Variants in STXBP5L observed in about 807,000 individuals in gnomAD.
The protein encoded by STXBP5L is syntaxin-binding protein 5-like.
In STXBP5L, 65 loss-of-function variants were observed where a neutral mutation model predicts 144.5. The observed-to-expected ratio is 0.45, with a 90% CI of 0.37 to 0.55. The LOEUF (loss-of-function observed/expected upper bound fraction) is 0.55. Ranked by LOEUF, STXBP5L falls within the 20% of genes least tolerant of loss-of-function variation. The pLI, the probability that STXBP5L is intolerant of heterozygous loss-of-function variation, is 0.00. For synonymous variants in STXBP5L, 505 were observed against 469.6 expected, an observed-to-expected ratio of 1.08 and a Z score of -0.97; for missense variants, 1,298 against 1,405.5, an observed-to-expected ratio of 0.92 and a Z score of 1.22.
intron 9 of STXBP5L, among the ~76,000 whole-genome samples, chr3:121,173,323 T>TAATA (rs2046801655): frequency 6.8e-6 from 1 of 146,524 alleles, no homozygotes; most frequent in South Asian, 2.2e-4. Flanking sequence ...GAACTTAAAA[T>TAATA]ATAATAATAA....
At chr3:121,319,885 G>C (rs1418552830) in intron 20 of STXBP5L, among the ~76,000 whole-genome samples, 1 of 152,162 alleles carries the variant, frequency 6.6e-6, no homozygotes, top group Non-Finnish European at 1.5e-5. Flanking sequence ...GGGAGGCCAA[G>C]GGGGGAGGAT....
chr3:121,183,179 C>G (rs764581043), intron 9 of STXBP5L, among the ~76,000 whole-genome samples: 53 of 152,260 alleles, frequency 3.5e-4, no homozygotes, highest in African/African-American at 1.0e-3. Flanking sequence ...AACCCACAGT[C>G]AACGTCATAC....
chr3:121,086,737 A>T (rs890993637), intron 5 of STXBP5L, among the ~76,000 whole-genome samples: 2 of 152,114 alleles, frequency 1.3e-5, no homozygotes, highest in African/African-American at 4.8e-5. Context: ...TGTCATGTTA[A>T]TGCTTAAAAA....
chr3:121,333,611 A>G (rs1440246991), intron 20 of STXBP5L, among the ~76,000 whole-genome samples: 1 of 152,118 alleles, frequency 6.6e-6, no homozygotes, highest in Admixed American at 6.6e-5. Context: ...TTTGAAAAAA[A>G]AATAAGATAA....
intron 19 of STXBP5L, among the ~76,000 whole-genome samples, chr3:121,313,889 C>A (rs901632620): frequency 4.1e-5 from 6 of 144,760 alleles, no homozygotes; most frequent in Non-Finnish European, 4.6e-5. Flanking sequence ...ACGGAGCGGC[C>A]GGGCAGAGAC....
intron 9 of STXBP5L, among the ~76,000 whole-genome samples, chr3:121,184,399 C>A (rs1475293449): frequency 1.3e-5 from 2 of 151,448 alleles, no homozygotes; most frequent in Admixed American, 1.3e-4. Context: ...AAACACAGCA[C>A]AAGAACTTCA....
At chr3:121,239,227 C>A (rs146530562) in intron 13 of STXBP5L, 109 bp downstream of exon 13, 253 of 588,030 alleles carry the variant, frequency 4.3e-4, no homozygotes, top group Non-Finnish European at 6.5e-4. Flanking sequence ...TAACTAAATT[C>A]TTTTTAAGTT....
intron 5 of STXBP5L, among the ~76,000 whole-genome samples, chr3:121,077,761 A>G (rs1413774904): frequency 6.6e-6 from 1 of 152,162 alleles, no homozygotes; most frequent in Non-Finnish European, 1.5e-5. Context: ...CCACTAGATT[A>G]GCTAGATACA....
chr3:121,333,589 A>C (rs765181481), intron 20 of STXBP5L, among the ~76,000 whole-genome samples: 15 of 151,980 alleles, frequency 9.9e-5, no homozygotes, highest in Non-Finnish European at 1.6e-4. Context: ...CAATGAAATT[A>C]GGAGCTGGAT....
intron 3 of STXBP5L, among the ~76,000 whole-genome samples, chr3:120,977,057 A>G (rs1013163480): frequency 2.6e-5 from 4 of 152,208 alleles, no homozygotes; most frequent in Non-Finnish European, 5.9e-5. Flanking sequence ...GATGTCTATT[A>G]GGTCCACTTG....
At chr3:121,101,573 A>G (rs952992984) in intron 5 of STXBP5L, among the ~76,000 whole-genome samples, 2 of 152,124 alleles carry the variant, frequency 1.3e-5, no homozygotes, top group Non-Finnish European at 2.9e-5. Flanking sequence ...CAACGAAGGA[A>G]TATATACCAT....
At chr3:121,394,067 G>GT (rs2046662939) in intron 22 of STXBP5L, among the ~76,000 whole-genome samples, 1 of 152,032 alleles carries the variant, frequency 6.6e-6, no homozygotes, top group African/African-American at 2.4e-5. Flanking sequence ...AGTATGGGAT[G>GT]TTTTTTCATT....
intron 3 of STXBP5L, among the ~76,000 whole-genome samples, chr3:120,964,424 C>A (rs949810746): frequency 6.6e-6 from 1 of 152,040 alleles, no homozygotes; most frequent in Non-Finnish European, 1.5e-5. Context: ...GCTATACATA[C>A]CCTCTATACA....
At chr3:121,346,422 G>C (rs575926838) in intron 20 of STXBP5L, among the ~76,000 whole-genome samples, 28 of 152,172 alleles carry the variant, frequency 1.8e-4, no homozygotes, top group Non-Finnish European at 3.8e-4. Context: ...ACATGTGCAT[G>C]TGTCTTTATA....
intron 11 of STXBP5L, among the ~76,000 whole-genome samples, chr3:121,224,745 T>C (rs1318978855): frequency 1.3e-5 from 2 of 152,154 alleles, no homozygotes; most frequent in African/African-American, 4.8e-5. Context: ...AGAGAGAAAC[T>C]GTCTTACAAT....
At chr3:121,360,531 G>C (rs187707155) in intron 20 of STXBP5L, among the ~76,000 whole-genome samples, 1 of 151,648 alleles carries the variant, frequency 6.6e-6, no homozygotes, top group Non-Finnish European at 1.5e-5. Context: ...ATATGATTTC[G>C]TTTCCTGCTT....
chr3:120,909,263 T>C (rs1325339066), intron 1 of STXBP5L: 1 of 272,798 alleles, frequency 3.7e-6, no homozygotes, highest in Admixed American at 5.1e-5. Flanking sequence ...CACTGCCTTT[T>C]ATTTTTACCC....
At chr3:121,361,756 A>G (rs1389002896) in intron 20 of STXBP5L, among the ~76,000 whole-genome samples, 1 of 152,012 alleles carries the variant, frequency 6.6e-6, no homozygotes, top group Admixed American at 6.6e-5. Context: ...TCTCTATATG[A>G]AAGGTCACAT....
chr3:120,913,394 T>C (rs928795208), intron 2 of STXBP5L, among the ~76,000 whole-genome samples: 10 of 151,920 alleles, frequency 6.6e-5, no homozygotes, highest in Non-Finnish European at 1.2e-4. Flanking sequence ...CACAGGAGAT[T>C]TCTATGCACA....
Sources: allele counts gnomAD v4.1 joint callset (sites outside exome capture counted in the v4.1 genomes callset), GRCh38; gene constraint gnomAD v4.1.1; transcripts MANE v1.5; gene names NCBI Gene and HGNC (gene_info 2026-07-23, HGNC 2026-07-21).